PDZRN3: variants seen among roughly 807,000 people sequenced by gnomAD.
PDZRN3 encodes E3 ubiquitin-protein ligase PDZRN3.
In PDZRN3, 38 loss-of-function variants were observed where a neutral mutation model predicts 85.7. That is an observed-to-expected ratio of 0.44 (90% CI 0.34 to 0.58). The LOEUF is 0.58. Among genes scored for constraint, PDZRN3 ranks in the 20% least tolerant of loss-of-function variants. The pLI is 0.01. For synonymous variants in PDZRN3, 759 were observed against 638.0 expected (o/e 1.19, Z -2.86); for missense variants, 1,629 against 1,506.4 (o/e 1.08, Z -1.35).
chr3:73,489,571 T>TTTCC, intron 3 of PDZRN3, among the ~76,000 whole-genome samples: 1 of 79,148 alleles, frequency 1.3e-5, no homozygotes, highest in Non-Finnish European at 2.4e-5. Flanking sequence ...GGGCAGTTTC[T>TTTCC]TTTCTTTTTT....
chr3:73,429,983 A>G (rs1051093534), intron 3 of PDZRN3, among the ~76,000 whole-genome samples: 11 of 152,224 alleles, frequency 7.2e-5, no homozygotes, highest in Admixed American at 2.6e-4. Flanking sequence ...CCACAAAGGC[A>G]AGCATGATTT....
Position 73,383,463 on chromosome 3 carries a change from C to G in PDZRN3, c.3103G>C (p.Asp1035His). 1 of 1,614,142 alleles carries G rather than the reference C, an allele frequency of 6.2e-7. No individual in the cohort carries two copies. ...AGTTCTTGGATCGTCATCCAGTTAT[C>G]GAAGATTTTCTTATTCCTCTTCTTC... is the stretch of plus-strand genomic sequence containing the variant. Reference protein sequence around the residue: ...MMKKRNKKIFDNWMTIQELLT... With the variant: ...MMKKRNKKIFHNWMTIQELLT... Residue 1035 changes from aspartate to histidine, a missense_variant, in exon 10 of 10, where the codon GAT (aspartate) becomes CAT (histidine). Physicochemically the swap from Asp to His is moderately conservative, Grantham distance 81. Coordinates refer to ENST00000263666, the MANE Select transcript of PDZRN3 (RefSeq NM_015009.3).
Position 73,383,703 on chromosome 3 carries a change from T to C in PDZRN3, c.2863A>G (p.Ser955Gly). ...GCGTCGTCGTCGGTGGTCATGCCGC[T>C]GCGCTCTTCCCGGATCTTCAGGGCG... ...ERALKIREERSGMTTDDDAVS... is the reference protein window; with the variant it reads ...ERALKIREERGGMTTDDDAVS... The change falls in exon 10 of 10, where the codon AGC (serine) becomes GGC (glycine). Residue 955 changes from serine to glycine, a missense_variant. Physicochemically the swap from Ser to Gly is moderately conservative, Grantham distance 56. Transcript: ENST00000263666. The C allele has an allele frequency of 6.2e-7, 1 of 1,611,632 alleles. No homozygotes were observed. Among genetic ancestry groups the C allele is most frequent in the Non-Finnish European group, 8.5e-7 (1 of 1,179,988 alleles).
At chr3:73,565,004 C>G (rs190677229) in intron 3 of PDZRN3, among the ~76,000 whole-genome samples, 1 of 152,224 alleles carries the variant, frequency 6.6e-6, no homozygotes, top group East Asian at 1.9e-4. Flanking sequence ...TCAAAGTTAC[C>G]CAAGTACAGA....
chr3:73,556,095 T>G (rs1181043086), intron 3 of PDZRN3, among the ~76,000 whole-genome samples: 1 of 152,154 alleles, frequency 6.6e-6, no homozygotes, highest in Non-Finnish European at 1.5e-5. Flanking sequence ...ACTTTCAATA[T>G]CTTCATCATA....
At chr3:73,490,848 A>G (rs1344932398) in intron 3 of PDZRN3, among the ~76,000 whole-genome samples, 2 of 152,236 alleles carry the variant, frequency 1.3e-5, no homozygotes, top group Non-Finnish European at 1.5e-5. Context: ...CAAGTGACCT[A>G]GACCAGCTGG....
intron 3 of PDZRN3, among the ~76,000 whole-genome samples, chr3:73,597,727 T>C (rs976346565): frequency 8.9e-4 from 127 of 142,140 alleles, no homozygotes; most frequent in African/African-American, 3.3e-3. Context: ...GTTTAACTTA[T>C]AGGCAAGCCA....
intron 1 of PDZRN3, among the ~76,000 whole-genome samples, chr3:73,616,788 C>T (rs1158139352): frequency 6.6e-6 from 1 of 152,164 alleles, no homozygotes; most frequent in Non-Finnish European, 1.5e-5. Context: ...CTCATTTCAT[C>T]TTAATAACAA....
rs541567023 is a variant in PDZRN3 at position 73,610,131 on chromosome 3, T to C, written c.724-1447A>G. 1.2e-4 allele frequency among the ~76,000 whole-genome samples: 19 copies of C among 152,282 alleles called. No homozygotes were observed. The South Asian group carries it at 3.1e-3, about 25-fold the overall frequency. ...GCCTCAACATCAATTAGAAATACAC[T>C]GTAAAAACAAAAATGACAATTTATT... On this transcript the variant is annotated intron_variant, in intron 1 of 9. Transcript: ENST00000263666.
At chr3:73,572,097 C>A (rs2106852735) in intron 3 of PDZRN3, among the ~76,000 whole-genome samples, 1 of 152,226 alleles carries the variant, frequency 6.6e-6, no homozygotes, top group East Asian at 1.9e-4. Flanking sequence ...TAAAGAAAAG[C>A]AAGCTGGAGT....
intron 3 of PDZRN3, among the ~76,000 whole-genome samples, chr3:73,415,365 T>C (rs1047302451): frequency 6.6e-6 from 1 of 152,198 alleles, no homozygotes; most frequent in Admixed American, 6.5e-5. Flanking sequence ...CAGACTATCA[T>C]GCGTTAAGCC....
At chr3:73,474,669 G>A in intron 3 of PDZRN3, 1 of 1,088,492 alleles carries the variant, frequency 9.2e-7, no homozygotes, top group Non-Finnish European at 1.2e-6. Context: ...TAAGATCACA[G>A]AATAGGGAGG....
chr3:73,491,747 C>T (rs898422676), intron 3 of PDZRN3, among the ~76,000 whole-genome samples: 1 of 151,826 alleles, frequency 6.6e-6, no homozygotes, highest in Non-Finnish European at 1.5e-5. Flanking sequence ...AGGTGCATAC[C>T]ACTGTGTATG....
chr3:73,573,788 T>C (rs1039907150), intron 3 of PDZRN3, among the ~76,000 whole-genome samples: 2 of 147,608 alleles, frequency 1.4e-5, no homozygotes, highest in Admixed American at 6.9e-5. Context: ...TACATATACA[T>C]ATACATATAC....
intron 3 of PDZRN3, chr3:73,569,553 C>T (rs1476141069): frequency 4.7e-6 from 5 of 1,056,838 alleles, no homozygotes; most frequent in South Asian, 3.1e-5. Flanking sequence ...AAGCCTCCCA[C>T]CCCCACACCC....
intron 3 of PDZRN3, among the ~76,000 whole-genome samples, chr3:73,504,596 C>G (rs1704038460): frequency 6.6e-6 from 1 of 152,202 alleles, no homozygotes; most frequent in Admixed American, 6.5e-5. Context: ...TGGGCTGCTT[C>G]TGACAAATCA....
At chr3:73,584,160 G>A (rs1702240033) in intron 3 of PDZRN3, among the ~76,000 whole-genome samples, 1 of 151,856 alleles carries the variant, frequency 6.6e-6, no homozygotes, top group African/African-American at 2.4e-5. Flanking sequence ...AAAAAAAGCA[G>A]GCCATTTATA....
At chr3:73,486,101 A>G (rs1039485508) in intron 3 of PDZRN3, among the ~76,000 whole-genome samples, 3 of 152,368 alleles carry the variant, frequency 2.0e-5, no homozygotes, top group African/African-American at 7.2e-5. Flanking sequence ...AGCTGACAGG[A>G]AGCTGGGAAA....
chr3:73,621,248 C>T (rs915491856), intron 1 of PDZRN3, among the ~76,000 whole-genome samples: 2 of 152,280 alleles, frequency 1.3e-5, no homozygotes, highest in East Asian at 1.9e-4. Flanking sequence ...AAACCCTAAG[C>T]GTTCAGCAGG....
Sources: allele counts gnomAD v4.1 joint callset (sites outside exome capture counted in the v4.1 genomes callset), GRCh38; gene constraint gnomAD v4.1.1; transcripts MANE v1.5; gene names NCBI Gene and HGNC (gene_info 2026-07-23, HGNC 2026-07-21).